The following RABGAP1L variants were observed in gnomAD, a reference collection of about 807,000 sequenced individuals.
RABGAP1L encodes the protein RAB GTPase activating protein 1 like.
RABGAP1L carries 63 observed loss-of-function variants against 137.7 expected under a neutral mutation model. That is an observed-to-expected ratio of 0.46 (90% CI 0.37 to 0.56). RABGAP1L has a LOEUF of 0.56. RABGAP1L is among the 20% of genes least tolerant of loss of function. RABGAP1L has a pLI of 0.00. For missense variants in RABGAP1L, 1,095 were observed against 1,244.0 expected (o/e 0.88, Z 1.80); for synonymous variants, 431 against 433.7 (o/e 0.99, Z 0.08).
chr1:174,800,081 G>T (rs1235558661), intron 18 of RABGAP1L: 2 of 1,283,782 alleles, frequency 1.6e-6, no homozygotes, highest in Non-Finnish European at 2.0e-6. Context: ...TCTCGCATTC[G>T]ATTGCTTTTG....
intron 20 of RABGAP1L, chr1:174,958,016 T>C: frequency 1.3e-6 from 2 of 1,538,506 alleles, no homozygotes; most frequent in South Asian, 1.2e-5. Context: ...AAAGGAAAAA[T>C]GGCAAAGTAC....
intron 13 of RABGAP1L, among the ~76,000 whole-genome samples, chr1:174,436,287 C>T (rs141514268): frequency 0.09 from 13,654 of 152,174 alleles, 832 homozygotes; most frequent in East Asian, 0.22. Flanking sequence ...GTAAAAGTGT[C>T]CTGTTTCTCC....
chr1:174,397,654 T>A (rs1387166287), intron 13 of RABGAP1L, among the ~76,000 whole-genome samples: 2 of 152,210 alleles, frequency 1.3e-5, no homozygotes, highest in African/African-American at 4.8e-5. Flanking sequence ...GGCATGTATT[T>A]TTCTCCTTGT....
intron 11 of RABGAP1L, among the ~76,000 whole-genome samples, chr1:174,366,181 A>G (rs546167765): frequency 6.6e-6 from 1 of 152,216 alleles, no homozygotes; most frequent in Non-Finnish European, 1.5e-5. Context: ...CATTTTAATA[A>G]TTATAATTCT....
chr1:174,792,507 G>A (rs1687934335), intron 18 of RABGAP1L, among the ~76,000 whole-genome samples: 1 of 152,142 alleles, frequency 6.6e-6, no homozygotes, highest in African/African-American at 2.4e-5. Context: ...TAATTGAGGT[G>A]ACTCTTATAG....
At chr1:174,472,811 A>G (rs894512441) in intron 13 of RABGAP1L, among the ~76,000 whole-genome samples, 4 of 152,196 alleles carry the variant, frequency 2.6e-5, no homozygotes, top group Non-Finnish European at 5.9e-5. Context: ...CAGTTTAGGT[A>G]CAATAAACCA....
chr1:174,600,113 T>C lies in RABGAP1L; in HGVS notation c.1711-37262T>C, dbSNP rs1189143513. Among the ~76,000 whole-genome samples the C allele has an allele frequency of 2.6e-5, 4 of 151,988 alleles. No individual in the cohort carries two copies. In the East Asian group the frequency reaches 7.7e-4, roughly 29 times the overall value. ...CTTATATGGCAGCAGCAAGAGAAAA[T>C]GAGAAAGAAGCAAAAGCAGAAACCC... On this transcript the variant is annotated intron_variant, in intron 13 of 25. Transcript: ENST00000681986.
rs536200305 is a variant in RABGAP1L at position 174,806,985 on chromosome 1, C to T, written c.2212-4847C>T. 2.4e-4 allele frequency among the ~76,000 whole-genome samples: 36 copies of T among 152,264 alleles called. No homozygotes were observed. The South Asian group carries it at 6.0e-3, about 25-fold the overall frequency. Reference sequence around the variant, plus strand: ...ATTTTTAGTAGATACAGGGTTTCACCATGTTGACCAGGCTGGTCTCGAACT... The same window carrying T: ...ATTTTTAGTAGATACAGGGTTTCACTATGTTGACCAGGCTGGTCTCGAACT... On this transcript the variant is annotated intron_variant, in intron 18 of 25. Transcript: ENST00000681986.
intron 13 of RABGAP1L, among the ~76,000 whole-genome samples, chr1:174,493,516 T>C (rs1277401299): frequency 6.6e-6 from 1 of 151,882 alleles, no homozygotes; most frequent in East Asian, 1.9e-4. Flanking sequence ...AATATTAAAG[T>C]TGATGATAAT....
At chr1:174,174,979 G>T (rs1665715381) in intron 1 of RABGAP1L, among the ~76,000 whole-genome samples, 1 of 152,122 alleles carries the variant, frequency 6.6e-6, no homozygotes, top group Non-Finnish European at 1.5e-5. Context: ...ACTAAAACTA[G>T]CTATCACAGT....
intron 17 of RABGAP1L, among the ~76,000 whole-genome samples, chr1:174,710,895 C>G (rs1026884480): frequency 6.6e-6 from 1 of 152,206 alleles, no homozygotes; most frequent in Non-Finnish European, 1.5e-5. Context: ...AGAGTCAAGA[C>G]CCATTGGTGT....
At chr1:174,179,389 C>T (rs1666165632) in intron 1 of RABGAP1L, among the ~76,000 whole-genome samples, 1 of 152,184 alleles carries the variant, frequency 6.6e-6, no homozygotes, top group Non-Finnish European at 1.5e-5. Context: ...CAAACAATTG[C>T]ACAAGTGCAT....
intron 13 of RABGAP1L, among the ~76,000 whole-genome samples, chr1:174,456,426 A>G (rs962082244): frequency 2.6e-5 from 4 of 152,002 alleles, no homozygotes; most frequent in Admixed American, 1.3e-4. Context: ...TTATAGTCAT[A>G]TACTTTATGT....
At chr1:174,980,895 A>G (rs140222582) in intron 23 of RABGAP1L, among the ~76,000 whole-genome samples, 1 of 149,478 alleles carries the variant, frequency 6.7e-6, no homozygotes, top group African/African-American at 2.5e-5. Flanking sequence ...GAGACACAAA[A>G]GACAGTTTTT....
intron 10 of RABGAP1L, among the ~76,000 whole-genome samples, chr1:174,304,111 T>C (rs1040239910): frequency 6.6e-6 from 1 of 152,160 alleles, no homozygotes; most frequent in African/African-American, 2.4e-5. Flanking sequence ...TTACTGAGCA[T>C]TTTTAACATG....
At chr1:174,201,643 CTTTT>C (rs147715191) in intron 1 of RABGAP1L, among the ~76,000 whole-genome samples, 1 of 146,068 alleles carries the variant, frequency 6.8e-6, no homozygotes, top group Admixed American at 6.8e-5. Context: ...TATTGCTTGG[CTTTT>C]TTTTTTCTTT....
rs192308944 is a variant in RABGAP1L, at chr1:174,802,686, C to T, written c.2212-9146C>T. 9.8e-3 allele frequency among the ~76,000 whole-genome samples: 1,497 copies of T among 152,314 alleles called. 11 individuals carry two copies. Among genetic ancestry groups the T allele is most frequent in the Non-Finnish European group, 0.013 (894 of 68,036 alleles). Reference sequence around the variant, plus strand: ...TCTGGCTTTGTTTTACACAGTTGCACTTGAAAAATTATTGGTAATACGAGG... The same window carrying T: ...TCTGGCTTTGTTTTACACAGTTGCATTTGAAAAATTATTGGTAATACGAGG... On this transcript the variant is annotated intron_variant, in intron 18 of 25. Coordinates refer to ENST00000681986, the MANE Select transcript of RABGAP1L (RefSeq NM_001366446.1).
At chr1:174,787,778 T>C (rs1687565687) in intron 18 of RABGAP1L, among the ~76,000 whole-genome samples, 1 of 152,118 alleles carries the variant, frequency 6.6e-6, no homozygotes, top group South Asian at 2.1e-4. Flanking sequence ...GGAGAATAGT[T>C]AGGATACTAT....
chr1:174,740,726 T>C (rs1284171335), intron 17 of RABGAP1L, among the ~76,000 whole-genome samples: 1 of 152,162 alleles, frequency 6.6e-6, no homozygotes, highest in Non-Finnish European at 1.5e-5. Flanking sequence ...TTTTCTCCAC[T>C]TTCTTGTCAA....
Sources: allele counts gnomAD v4.1 joint callset (sites outside exome capture counted in the v4.1 genomes callset), GRCh38; gene constraint gnomAD v4.1.1; transcripts MANE v1.5; gene names NCBI Gene and HGNC (gene_info 2026-07-23, HGNC 2026-07-21).